Variants in HIPK3 observed in about 807,000 individuals in gnomAD.
HIPK3 encodes homeodomain-interacting protein kinase 3.
A neutral mutation model predicts 124.2 loss-of-function variants in HIPK3; 47 were observed. The ratio of observed to expected loss-of-function variants is 0.38; its 90% CI spans 0.30 to 0.48. The LOEUF (loss-of-function observed/expected upper bound fraction) is 0.48. Ranked by LOEUF, HIPK3 falls within the 20% of genes least tolerant of loss-of-function variation. The pLI is 0.98. For synonymous variants in HIPK3, 482 were observed against 515.2 expected, an observed-to-expected ratio of 0.94 and a Z score of 0.87; for missense variants, 1,286 against 1,454.3, an observed-to-expected ratio of 0.88 and a Z score of 1.88.
chr11:33,285,738 AT>A (rs1445501979), intron 1 of HIPK3, among the ~76,000 whole-genome samples: 1 of 151,954 alleles, frequency 6.6e-6, no homozygotes. Context: ...TGGTAATAGA[AT>A]GTTTTACTTT....
chr11:33,294,687 G>A (rs986610094), intron 2 of HIPK3, among the ~76,000 whole-genome samples: 5 of 152,030 alleles, frequency 3.3e-5, no homozygotes, highest in African/African-American at 1.2e-4. Flanking sequence ...TCACTGCAGT[G>A]TCAGACTCCT....
intron 16 of HIPK3, 89 bp downstream of exon 16, chr11:33,352,354 T>G (rs1393815862): frequency 7.9e-6 from 11 of 1,383,700 alleles, no homozygotes; most frequent in Non-Finnish European, 1.0e-5. Flanking sequence ...TGAAACTGTA[T>G]GTAGTGTTAA....
chr11:33,292,295 G>A lies in HIPK3; in HGVS notation c.1097+4784G>A, dbSNP rs1252815931. 5.3e-5 allele frequency among the ~76,000 whole-genome samples: 8 copies of A among 152,146 alleles called. No individual in the cohort carries two copies. The East Asian group carries it at 1.5e-3, about 29-fold the overall frequency. On this transcript the variant is annotated intron_variant, in intron 2 of 16. Transcript: ENST00000303296. The stretch of plus-strand genomic sequence containing the variant: ...CAAATTTTGTTAGGCCTTTTTGGGT[G>A]CTGGTACAGTGCTAGGTGCTAAGAA...
chr11:33,315,596 C>A (rs2133950196), intron 2 of HIPK3, among the ~76,000 whole-genome samples: 1 of 152,332 alleles, frequency 6.6e-6, no homozygotes, highest in East Asian at 1.9e-4. Context: ...CTTCTGCACT[C>A]AAGCTGTCTG....
At chr11:33,329,866 A>C (rs1345173612) in intron 3 of HIPK3, among the ~76,000 whole-genome samples, 1 of 152,230 alleles carries the variant, frequency 6.6e-6, no homozygotes, top group Non-Finnish European at 1.5e-5. Flanking sequence ...AAAATGCTAG[A>C]AATACACCCT....
intron 3 of HIPK3, among the ~76,000 whole-genome samples, chr11:33,333,325 A>T (rs1356907107): frequency 6.6e-6 from 1 of 152,122 alleles, no homozygotes; most frequent in Non-Finnish European, 1.5e-5. Context: ...CTGTTCTTCA[A>T]GTGCCTTTGT....
chr11:33,353,201 A>G lies in HIPK3; in HGVS notation c.3281A>G (p.His1094Arg), dbSNP rs745497440. 86 of 1,612,858 alleles carry G rather than the reference A, an allele frequency of 5.3e-5. No homozygotes were observed. The highest frequency in any genetic ancestry group is 7.1e-5 in the Non-Finnish European group (84 of 1,179,076). Residue 1094 changes from histidine to arginine, a missense_variant, in exon 17 of 17, where the codon CAT becomes CGT. His to Arg is a conservative substitution (Grantham distance 29). Transcript: ENST00000303296. ...SVTSNPFTLS[H>R]GSPNHTAVHA... ...ACCAGTAATCCATTCACTCTTTCTC[A>G]TGGAAGTCCCAATCACACAGCAGTG...
chr11:33,258,212 C>CA, intron 1 of HIPK3: 1 of 728,002 alleles, frequency 1.4e-6, no homozygotes, highest in Non-Finnish European at 1.7e-6. Flanking sequence ...TCGGCCCCCC[C>CA]TCCCCCTGCC....
At chr11:33,343,653 T>C (rs967344040) in intron 8 of HIPK3, among the ~76,000 whole-genome samples, 7 of 152,150 alleles carry the variant, frequency 4.6e-5, no homozygotes, top group Admixed American at 3.9e-4. Context: ...CAGTACCAAA[T>C]AAAAAACCAA....
chr11:33,265,879 G>A (rs934402346), intron 1 of HIPK3, among the ~76,000 whole-genome samples: 1 of 150,750 alleles, frequency 6.6e-6, no homozygotes, highest in Non-Finnish European at 1.5e-5. Flanking sequence ...AGGTCAGGAG[G>A]TCGAGACCAT....
intron 2 of HIPK3, among the ~76,000 whole-genome samples, chr11:33,327,186 A>G (rs566253136): frequency 4.3e-4 from 65 of 152,332 alleles, no homozygotes; most frequent in Non-Finnish European, 7.8e-4. Flanking sequence ...TTAGTAGTAG[A>G]GAAATATAGC....
intron 2 of HIPK3, among the ~76,000 whole-genome samples, chr11:33,319,045 C>T (rs191488369): frequency 6.6e-6 from 1 of 152,316 alleles, no homozygotes; most frequent in Admixed American, 6.5e-5. Context: ...GTGTGACAAA[C>T]AATTCCAAAA....
In HIPK3 at chr11:33,286,921, A is replaced by G. The variant is rs138597548; in HGVS notation, c.507A>G (p.Thr169=). ...GNPVTVVTAT[T]GSKQNCTTGE... is the part of the protein sequence containing the mutation. ...CAGTGACAGTTGTGACAGCTACCAC[A>G]GGATCAAAACAGAATTGTACCACTG... Residue 169 remains threonine, a synonymous_variant, in exon 2 of 17, where the codon ACA becomes ACG. Transcript: ENST00000303296. The G allele has an allele frequency of 1.9e-6, 3 of 1,614,104 alleles. No homozygotes were observed. Among genetic ancestry groups the G allele is most frequent in the African/African-American group, 2.7e-5 (2 of 74,958 alleles).
chr11:33,281,984 A>T (rs1464862518), intron 1 of HIPK3, among the ~76,000 whole-genome samples: 5 of 152,152 alleles, frequency 3.3e-5, no homozygotes, highest in Non-Finnish European at 7.3e-5. Context: ...ATATTGCCAG[A>T]TTGCCTTCCC....
intron 1 of HIPK3, among the ~76,000 whole-genome samples, chr11:33,267,126 T>C (rs1299066596): frequency 6.6e-6 from 1 of 152,112 alleles, no homozygotes; most frequent in African/African-American, 2.4e-5. Flanking sequence ...TTCCAGCTTT[T>C]TGTTTTTTTT....
intron 2 of HIPK3, among the ~76,000 whole-genome samples, chr11:33,297,802 T>C (rs990509833): frequency 5.5e-5 from 8 of 146,644 alleles, no homozygotes; most frequent in Admixed American, 2.7e-4. Flanking sequence ...TTTTTTTTTT[T>C]TTCTTGAGAT....
chr11:33,343,287 G>GTGTGTGTGTC (rs1206214583), intron 8 of HIPK3, among the ~76,000 whole-genome samples: 3 of 142,502 alleles, frequency 2.1e-5, no homozygotes, highest in African/African-American at 7.6e-5. Flanking sequence ...GTGTGTGTGT[G>GTGTGTGTGTC]TGTCTTTTTT....
At chr11:33,345,265 G>T (rs1044625312) in intron 8 of HIPK3, among the ~76,000 whole-genome samples, 1 of 151,944 alleles carries the variant, frequency 6.6e-6, no homozygotes, top group Admixed American at 6.6e-5. Context: ...GAAAAGTTAG[G>T]TATTCATCCC....
intron 2 of HIPK3, among the ~76,000 whole-genome samples, chr11:33,325,910 A>G (rs1253910224): frequency 6.6e-6 from 1 of 152,214 alleles, no homozygotes; most frequent in African/African-American, 2.4e-5. Context: ...ACACACTTGA[A>G]TATTTTGTCA....
Sources: gnomAD v4.1 joint callset for allele counts (sites outside exome capture counted in the v4.1 genomes callset) on GRCh38, gnomAD v4.1.1 for gene constraint, MANE v1.5 for transcripts, NCBI Gene and HGNC (gene_info 2026-07-23, HGNC 2026-07-21) for gene names.